TCAF1: variants seen among roughly 807,000 people sequenced by gnomAD.
TCAF1 encodes the protein TRPM8 channel-associated factor 1.
TCAF1 carries 4 observed loss-of-function variants against 27.3 expected under a neutral mutation model. The ratio of observed to expected loss-of-function variants is 0.15; its 90% CI spans 0.07 to 0.34. The LOEUF is 0.34. Ranked by LOEUF, TCAF1 falls within the 10% of genes least tolerant of loss-of-function variation. TCAF1 has a pLI of 1.00. For synonymous variants in TCAF1, 105 were observed against 167.1 expected, an observed-to-expected ratio of 0.63 and a Z score of 2.87; for missense variants, 257 against 425.8, an observed-to-expected ratio of 0.60 and a Z score of 3.49.
At chr7:143,880,087 A>G (rs1476808058) in intron 1 of TCAF1, among the ~76,000 whole-genome samples, 1 of 152,234 alleles carries the variant, frequency 6.6e-6, no homozygotes, top group Non-Finnish European at 1.5e-5. Flanking sequence ...ATGGGCAAAG[A>G]TAATAGTAAT....
At chr7:143,884,343 C>T (rs1336005569) in intron 1 of TCAF1, among the ~76,000 whole-genome samples, 1 of 152,040 alleles carries the variant, frequency 6.6e-6, no homozygotes, top group Non-Finnish European at 1.5e-5. Flanking sequence ...AGGTGAGCTC[C>T]GCGGCAGGTT....
chr7:143,893,978 A>G (rs1216469628), intron 1 of TCAF1, among the ~76,000 whole-genome samples: 2 of 151,772 alleles, frequency 1.3e-5, no homozygotes, highest in Non-Finnish European at 3.0e-5. Context: ...TAATGAACCA[A>G]ACTAAGAATG....
chr7:143,896,839 A>G (rs1052368246), intron 1 of TCAF1, among the ~76,000 whole-genome samples: 1 of 151,862 alleles, frequency 6.6e-6, no homozygotes, highest in Non-Finnish European at 1.5e-5. Context: ...ATAGGAAGAA[A>G]AGCTCAAAAT....
rs758804542 is a variant in TCAF1 at position 143,876,298 on chromosome 7, A to G, written c.311T>C (p.Ile104Thr). The G allele has an allele frequency of 1.2e-6, 2 of 1,614,124 alleles. No homozygotes were observed. The highest frequency in any genetic ancestry group is 1.1e-5 in the South Asian group (1 of 91,076). Residue 104 changes from isoleucine (I) to threonine (T), a missense_variant, in exon 2 of 9, where the codon ATC becomes ACC. Physicochemically the swap from Ile to Thr is moderately conservative, Grantham distance 89 (BLOSUM62 -1). Around this residue, in one of 2 missense-constraint regions of TCAF1, gnomAD observed 255 missense variants for 260.1 expected, o/e 0.98. Transcript: ENST00000479870. Reference protein sequence around the residue: ...VHPSLAPLAKILEGSGVDAKV... With the variant: ...VHPSLAPLAKTLEGSGVDAKV... ...TGCATCCACTCCAGAGCCCTCGAGGATTTTGGCCAAAGGTGCCAGGGATGG... is the reference window on the plus strand; with the variant it reads ...TGCATCCACTCCAGAGCCCTCGAGGGTTTTGGCCAAAGGTGCCAGGGATGG...
At chr7:143,893,315 T>C (rs1813735173) in intron 1 of TCAF1, among the ~76,000 whole-genome samples, 1 of 152,148 alleles carries the variant, frequency 6.6e-6, no homozygotes, top group African/African-American at 2.4e-5. Flanking sequence ...TCCACAAGCA[T>C]AGTTGAAGAT....
chr7:143,897,533 T>C (rs1029927757), intron 1 of TCAF1, among the ~76,000 whole-genome samples: 4 of 152,092 alleles, frequency 2.6e-5, no homozygotes, highest in East Asian at 1.9e-4. Flanking sequence ...AAATGTTATA[T>C]ACAAATTTTC....
intron 1 of TCAF1, chr7:143,882,673 G>A (rs1211360255): frequency 1.1e-6 from 1 of 930,730 alleles, no homozygotes; most frequent in Non-Finnish European, 1.3e-6. Flanking sequence ...GCAGCACCCA[G>A]GCCGAGTCCA....
rs142512506 is a variant in TCAF1, at chr7:143,894,116, T to G, written c.-15+7845A>C. ...TCATATGCCAATAAATTTAACAAAC[T>G]CAGATGAATTTGCAAATTGTTTAAA... On this transcript the variant is annotated intron_variant, in intron 1 of 8. Transcript: ENST00000479870. 2.9e-3 allele frequency among the ~76,000 whole-genome samples: 438 copies of G among 151,744 alleles called. 6 individuals are homozygous for G. Among genetic ancestry groups the G allele is most frequent in the Admixed American group, 0.018 (269 of 15,264 alleles).
chr7:143,885,300 A>C (rs1813339082), intron 1 of TCAF1: 1 of 985,228 alleles, frequency 1.0e-6, no homozygotes. Context: ...ACGCCTTGGG[A>C]ATTTGCAAAT....
chr7:143,874,997 C>T (rs914486981), intron 2 of TCAF1, among the ~76,000 whole-genome samples: 15 of 152,166 alleles, frequency 9.9e-5, no homozygotes, highest in Non-Finnish European at 1.5e-5. Flanking sequence ...TACGAGTCAT[C>T]TTTTTGTCCA....
intron 1 of TCAF1, among the ~76,000 whole-genome samples, chr7:143,896,682 T>C (rs1311304893): frequency 6.6e-6 from 1 of 152,054 alleles, no homozygotes; most frequent in Admixed American, 6.5e-5. Context: ...ATTTAAAAGG[T>C]ACATTTATAA....
Position 143,876,205 on chromosome 7 carries a change from G to C in TCAF1, c.404C>G (p.Thr135Arg). The C allele has an allele frequency of 6.2e-7, 1 of 1,614,194 alleles. No individual in the cohort carries two copies. Among genetic ancestry groups the C allele is most frequent in the Non-Finnish European group, 8.5e-7 (1 of 1,180,038 alleles). The change falls in exon 2 of 9, where the codon ACA (threonine) becomes AGA (arginine). Residue 135 changes from threonine to arginine, a missense_variant. Around this residue, in one of 2 missense-constraint regions of TCAF1, gnomAD observed 255 missense variants for 260.1 expected, o/e 0.98. Transcript: ENST00000479870. ...YCIDAYNETM[T>R]EKLVKFMKCG... is the part of the protein sequence containing the mutation. ...TTTCATGAACTTGACCAGCTTTTCT[G>C]TCATGGTTTCATTGTAGGCATCAAT...
At chr7:143,886,700 CTTTT>C (rs11398264) in intron 1 of TCAF1, among the ~76,000 whole-genome samples, 1 of 89,162 alleles carries the variant, frequency 1.1e-5, no homozygotes, top group African/African-American at 5.0e-5. Context: ...CAAATTTTAC[CTTTT>C]TTTTTTTTTT....
At chr7:143,896,522 T>G (rs1813876575) in intron 1 of TCAF1, among the ~76,000 whole-genome samples, 1 of 152,094 alleles carries the variant, frequency 6.6e-6, no homozygotes, top group Non-Finnish European at 1.5e-5. Context: ...GACTACACAT[T>G]CTTTTTACGC....
intron 1 of TCAF1, among the ~76,000 whole-genome samples, chr7:143,890,894 C>CA (rs758700767): frequency 2.6e-5 from 4 of 152,072 alleles, no homozygotes; most frequent in Non-Finnish European, 4.4e-5. Flanking sequence ...AAATAGTGGC[C>CA]AAAGAGCTAA....
intron 1 of TCAF1, among the ~76,000 whole-genome samples, chr7:143,892,793 A>T (rs1412858868): frequency 6.6e-6 from 1 of 152,314 alleles, no homozygotes; most frequent in East Asian, 1.9e-4. Flanking sequence ...TAGTATCTTT[A>T]TAAGACGAGA....
chr7:143,896,056 T>C (rs997220854), intron 1 of TCAF1, among the ~76,000 whole-genome samples: 9 of 151,766 alleles, frequency 5.9e-5, no homozygotes, highest in Non-Finnish European at 8.9e-5. Flanking sequence ...CACAGATTAT[T>C]CAATGACAAG....
At chr7:143,897,853 G>C (rs1404515491) in intron 1 of TCAF1, among the ~76,000 whole-genome samples, 4 of 152,016 alleles carry the variant, frequency 2.6e-5, no homozygotes, top group African/African-American at 9.6e-5. Flanking sequence ...GCATAAGGGA[G>C]AATACTATTC....
chr7:143,896,415 T>C (rs1813872167), intron 1 of TCAF1, among the ~76,000 whole-genome samples: 1 of 152,024 alleles, frequency 6.6e-6, no homozygotes, highest in South Asian at 2.1e-4. Flanking sequence ...CATACCTATT[T>C]CTGTAATTGG....
Sources: gnomAD v4.1 joint callset for allele counts (sites outside exome capture counted in the v4.1 genomes callset) on GRCh38, gnomAD v4.1.1 for gene constraint, gnomAD v4.1.1 regional missense constraint, MANE v1.5 for transcripts, NCBI Gene and HGNC (gene_info 2026-07-23, HGNC 2026-07-21) for gene names.